GRIN2A: variants seen among roughly 807,000 people sequenced by gnomAD.
The protein encoded by GRIN2A is glutamate receptor ionotropic, NMDA 2A.
GRIN2A carries 22 observed loss-of-function variants against 113.4 expected under a neutral mutation model. That is an observed-to-expected ratio of 0.19 (90% CI 0.14 to 0.28). GRIN2A has a LOEUF of 0.28. Ranked by LOEUF, GRIN2A falls within the 10% of genes least tolerant of loss-of-function variation. The pLI is 1.00. For synonymous variants in GRIN2A, 827 were observed against 738.4 expected, an observed-to-expected ratio of 1.12 and a Z score of -1.94; for missense variants, 1,502 against 1,887.0, an observed-to-expected ratio of 0.80 and a Z score of 3.78.
rs1361475840 is a variant in GRIN2A at position 9,761,772 on chromosome 16, G to A, written c.*1377C>T. Reference sequence around the variant, plus strand: ...ATATGCACAGGTTTGAGGAGAATAAGAATGGGATAATGCAGGCGACTCAGA... The same window carrying A: ...ATATGCACAGGTTTGAGGAGAATAAAAATGGGATAATGCAGGCGACTCAGA... On this transcript the variant is annotated 3_prime_UTR_variant, in exon 13 of 13. Transcript: ENST00000330684. 1 of 211,304 alleles carries A rather than the reference G, an allele frequency of 4.7e-6. No homozygotes were observed. The highest frequency in any genetic ancestry group is 5.9e-5 in the Admixed American group (1 of 17,026). The allele number at this position is 211,304 out of a possible 1,614,324, so 13.1% of individuals were successfully genotyped here. A position where few individuals can be genotyped will look rare whatever the true frequency, so the allele number is the denominator to read the frequency against.
intron 2 of GRIN2A, among the ~76,000 whole-genome samples, chr16:10,065,734 G>T (rs1343787878): frequency 1.3e-5 from 2 of 152,168 alleles, no homozygotes; most frequent in Admixed American, 6.5e-5. Flanking sequence ...TGAATGCTAA[G>T]CTGGAAGAGG....
chr16:9,918,580 C>T (rs1003546287), intron 3 of GRIN2A, among the ~76,000 whole-genome samples: 4 of 152,118 alleles, frequency 2.6e-5, no homozygotes. Flanking sequence ...TCGAGTCATT[C>T]AAAAGCGACT....
chr16:10,132,818 G>A (rs1053503540), intron 2 of GRIN2A, among the ~76,000 whole-genome samples: 1 of 152,212 alleles, frequency 6.6e-6, no homozygotes, highest in South Asian at 2.1e-4. Flanking sequence ...GTAACAAATT[G>A]CCATAAAGTT....
chr16:10,169,052 C>T (rs1434254427), intron 2 of GRIN2A, among the ~76,000 whole-genome samples: 1 of 151,058 alleles, frequency 6.6e-6, no homozygotes, highest in Non-Finnish European at 1.5e-5. Flanking sequence ...AGAACAATAA[C>T]AAAATTAAGA....
chr16:9,973,358 C>T (rs1030264401), intron 2 of GRIN2A, among the ~76,000 whole-genome samples: 15 of 152,138 alleles, frequency 9.9e-5, no homozygotes, highest in African/African-American at 3.1e-4. Flanking sequence ...CCTACACCTC[C>T]GCCCAGGAAA....
At chr16:9,845,647 G>A (rs1211895799) in intron 5 of GRIN2A, among the ~76,000 whole-genome samples, 11 of 152,118 alleles carry the variant, frequency 7.2e-5, no homozygotes, top group Non-Finnish European at 1.6e-4. Context: ...AAACTCCCAA[G>A]CTCCTTTCCT....
At chr16:9,903,539 G>A (rs1246377116) in intron 3 of GRIN2A, among the ~76,000 whole-genome samples, 1 of 152,202 alleles carries the variant, frequency 6.6e-6, no homozygotes, top group East Asian at 1.9e-4. Context: ...GGCTGAGCAA[G>A]GACAATAAGC....
At chr16:9,783,780 T>C (rs945380148) in intron 11 of GRIN2A, among the ~76,000 whole-genome samples, 2 of 152,210 alleles carry the variant, frequency 1.3e-5, no homozygotes, top group Non-Finnish European at 2.9e-5. Context: ...AAAATGTTTC[T>C]AAATGGTAAA....
chr16:9,840,966 A>G lies in GRIN2A; in HGVS notation c.1467T>C (p.Val489=). ...LVTNGKHGKK[V]NNVWNGMIGE... ...CGATCATTCCATTCCACACATTGTTAACTTTCTTGCCATGCTTCCCATTGG... is the reference window on the plus strand; with the variant it reads ...CGATCATTCCATTCCACACATTGTTGACTTTCTTGCCATGCTTCCCATTGG... The change falls in exon 6 of 13, where the codon GTT becomes GTC. Residue 489 remains valine, a synonymous_variant. Transcript: ENST00000330684. 1 of 1,614,056 alleles carries G rather than the reference A, an allele frequency of 6.2e-7. No individual in the cohort carries two copies. Among genetic ancestry groups the G allele is most frequent in the Non-Finnish European group, 8.5e-7 (1 of 1,179,948 alleles).
At chr16:9,772,411 G>T (rs1018592656) in intron 11 of GRIN2A, among the ~76,000 whole-genome samples, 1 of 152,146 alleles carries the variant, frequency 6.6e-6, no homozygotes, top group Non-Finnish European at 1.5e-5. Context: ...CACTACAGTC[G>T]CCCAGGCTGG....
chr16:9,845,165 G>A (rs542203861), intron 5 of GRIN2A, among the ~76,000 whole-genome samples: 2 of 152,218 alleles, frequency 1.3e-5, no homozygotes, highest in South Asian at 4.1e-4. Context: ...CCAAGCGGAA[G>A]AAGGAAAGCT....
At chr16:9,886,883 T>G (rs1371758126) in intron 4 of GRIN2A, among the ~76,000 whole-genome samples, 2 of 152,154 alleles carry the variant, frequency 1.3e-5, no homozygotes, top group African/African-American at 4.8e-5. Flanking sequence ...TCTGAAGGAT[T>G]TAAGGTTTTG....
In GRIN2A at chr16:9,756,517, C is replaced by T. The variant is rs756295664; in HGVS notation, c.*6632G>A. On this transcript the variant is annotated 3_prime_UTR_variant, in exon 13 of 13. Coordinates refer to ENST00000330684, the MANE Select transcript of GRIN2A (RefSeq NM_001134407.3). ...CTTTCTGACTTCTATTCTGACCTCC[C>T]TGGAGGAGACCAGGCACTTTGAAAA... 9.1e-6 allele frequency: 2 copies of T among 219,930 alleles called. No homozygotes were observed. The highest frequency in any genetic ancestry group is 1.8e-4 in the South Asian group (1 of 5,424). 13.6% of individuals were successfully genotyped at this position (219,930 alleles called of 1,614,324 possible). A position where few individuals can be genotyped will look rare whatever the true frequency, so the allele number is the denominator to read the frequency against.
rs1416327382 is a variant in GRIN2A, at chr16:10,181,961, G to C, written c.-103C>G. On this transcript the variant is annotated 5_prime_UTR_variant, in exon 1 of 13. Coordinates refer to ENST00000330684, the MANE Select transcript of GRIN2A (RefSeq NM_001134407.3). ...CGCCTCAGCAGCCACCGGGTTTAGCGGGTTCCCGCATGCTGCGGCCCCAGC... is the reference window on the plus strand; with the variant it reads ...CGCCTCAGCAGCCACCGGGTTTAGCCGGTTCCCGCATGCTGCGGCCCCAGC... The C allele has an allele frequency of 6.5e-6, 1 of 152,768 alleles. No homozygotes were observed. The highest frequency in any genetic ancestry group is 1.9e-4 in the East Asian group (1 of 5,176). 9.5% of individuals were successfully genotyped at this position (152,768 alleles called of 1,614,324 possible).
chr16:10,057,203 T>C (rs1412005587), intron 2 of GRIN2A, among the ~76,000 whole-genome samples: 4 of 152,236 alleles, frequency 2.6e-5, no homozygotes, highest in Non-Finnish European at 5.9e-5. Context: ...ACAACAGTAG[T>C]AGCACGATAT....
rs886179846 is a variant in GRIN2A, at chr16:9,760,128, C to T, written c.*3021G>A. ...AGGCATTTGTGTTCAGAAATTTGGG[C>T]TCCTTGACATCAACAAATCTAAGAA... is the stretch of plus-strand genomic sequence containing the variant. On this transcript the variant is annotated 3_prime_UTR_variant, in exon 13 of 13. Coordinates refer to ENST00000330684, the MANE Select transcript of GRIN2A (RefSeq NM_001134407.3). 9.8e-5 allele frequency: 22 copies of T among 224,950 alleles called. No homozygotes were observed. The highest frequency in any genetic ancestry group is 4.7e-4 in the African/African-American group (21 of 44,848). 13.9% of individuals were successfully genotyped at this position (224,950 alleles called of 1,614,324 possible). A position where few individuals can be genotyped will look rare whatever the true frequency, so the allele number is the denominator to read the frequency against.
intron 9 of GRIN2A, among the ~76,000 whole-genome samples, chr16:9,825,120 C>G (rs1276963409): frequency 6.6e-6 from 1 of 152,182 alleles, no homozygotes; most frequent in African/African-American, 2.4e-5. Context: ...CTGCAGGGTT[C>G]CCTTGCTGTG....
At chr16:9,795,211 C>T (rs1902902259) in intron 11 of GRIN2A, among the ~76,000 whole-genome samples, 1 of 152,054 alleles carries the variant, frequency 6.6e-6, no homozygotes, top group East Asian at 1.9e-4. Flanking sequence ...AGATATAGAT[C>T]ATAAAGACCA....
intron 2 of GRIN2A, among the ~76,000 whole-genome samples, chr16:10,029,014 T>A (rs544776969): frequency 3.7e-4 from 57 of 152,296 alleles, no homozygotes; most frequent in African/African-American, 1.3e-3. Context: ...TTGGTTTCCT[T>A]CTTAGTCTCC....
Sources: gnomAD v4.1 joint callset for allele counts (sites outside exome capture counted in the v4.1 genomes callset) on GRCh38, gnomAD v4.1.1 for gene constraint, MANE v1.5 for transcripts, NCBI Gene and HGNC (gene_info 2026-07-23, HGNC 2026-07-21) for gene names.